ST8SIA6: variants seen among roughly 807,000 people sequenced by gnomAD.
ST8SIA6 encodes alpha-2,8-sialyltransferase 8F.
ST8SIA6 carries 39 observed loss-of-function variants against 33.6 expected under a neutral mutation model. The observed-to-expected ratio is 1.16, with a 90% CI of 0.90 to 1.52. The LOEUF (loss-of-function observed/expected upper bound fraction) is 1.52. Among genes scored for constraint, ST8SIA6 ranks in the 40% most tolerant of loss-of-function variants. ST8SIA6 has a pLI of 0.00. For synonymous variants in ST8SIA6, 172 were observed against 167.2 expected (o/e 1.03, Z -0.22); for missense variants, 441 against 443.8 (o/e 0.99, Z 0.06).
intron 2 of ST8SIA6, among the ~76,000 whole-genome samples, chr10:17,390,839 A>G (rs965522780): frequency 2.7e-5 from 4 of 150,096 alleles, no homozygotes; most frequent in African/African-American, 9.8e-5. Flanking sequence ...AGTCAAACAT[A>G]AGAGAACTCT....
At chr10:17,371,122 G>C (rs1237487861) in intron 3 of ST8SIA6, among the ~76,000 whole-genome samples, 1 of 152,122 alleles carries the variant, frequency 6.6e-6, no homozygotes, top group Non-Finnish European at 1.5e-5. Context: ...TAAAAAGAGA[G>C]GAATCAAGGA....
At chr10:17,333,688 T>TATATATATATAG (rs1848378983) in intron 4 of ST8SIA6, among the ~76,000 whole-genome samples, 1 of 21,324 alleles carries the variant, frequency 4.7e-5, no homozygotes, top group Non-Finnish European at 9.5e-5. Flanking sequence ...TATATATATA[T>TATATATATATAG]ATATATATAT....
chr10:17,333,717 ATT>A (rs71392102), intron 4 of ST8SIA6, among the ~76,000 whole-genome samples: 130 of 33,678 alleles, frequency 3.9e-3, no homozygotes, highest in South Asian at 0.014. Context: ...ATATATATAT[ATT>A]TTTTTTTTTT....
chr10:17,358,431 A>AT (rs908998705), intron 4 of ST8SIA6, among the ~76,000 whole-genome samples: 19 of 152,294 alleles, frequency 1.2e-4, no homozygotes, highest in African/African-American at 3.8e-4. Flanking sequence ...CTCTTTAGTA[A>AT]TTTTTTTACA....
chr10:17,431,394 C>T (rs1200609211), intron 2 of ST8SIA6, among the ~76,000 whole-genome samples: 2 of 151,990 alleles, frequency 1.3e-5, no homozygotes, highest in Non-Finnish European at 2.9e-5. Context: ...CAAAGTGTGA[C>T]CGGAATAATG....
chr10:17,356,617 G>A (rs994924663), intron 4 of ST8SIA6, among the ~76,000 whole-genome samples: 9 of 151,970 alleles, frequency 5.9e-5, no homozygotes, highest in African/African-American at 2.2e-4. Context: ...CGAACTCCTG[G>A]CCTCAAGTGA....
chr10:17,435,767 C>T (rs1032415158), intron 2 of ST8SIA6, among the ~76,000 whole-genome samples: 2 of 152,040 alleles, frequency 1.3e-5, no homozygotes, highest in African/African-American at 4.8e-5. Context: ...GAGAATTTTG[C>T]CCATTGTGTC....
intron 3 of ST8SIA6, among the ~76,000 whole-genome samples, chr10:17,373,954 A>G (rs1304176577): frequency 1.3e-5 from 2 of 152,134 alleles, no homozygotes; most frequent in Non-Finnish European, 2.9e-5. Context: ...TTATAATAAA[A>G]TAATACATGA....
At position 17,320,607 on chromosome 10, in the gene ST8SIA6, CT is replaced by C; in HGVS notation, c.*270del. ...TAAGAAAGAAATATTCTTTGAGTCCCTACCTCACACCAAAGGCCATGCCAAT... is the reference window on the plus strand; with the variant it reads ...TAAGAAAGAAATATTCTTTGAGTCCCACCTCACACCAAAGGCCATGCCAAT... On this transcript the variant is annotated 3_prime_UTR_variant, in exon 8 of 8. Transcript: ENST00000377602. 1 of 422,744 alleles carries C rather than the reference CT, an allele frequency of 2.4e-6. No individual in the cohort carries two copies. Among genetic ancestry groups the C allele is most frequent in the Non-Finnish European group, 4.3e-6 (1 of 235,018 alleles). The allele number at this position is 422,744 out of a possible 1,614,324, so 26.2% of individuals were successfully genotyped here.
At chr10:17,445,837 A>G (rs1346164831) in intron 2 of ST8SIA6, among the ~76,000 whole-genome samples, 1 of 152,208 alleles carries the variant, frequency 6.6e-6, no homozygotes, top group Non-Finnish European at 1.5e-5. Context: ...TGGTGGACCC[A>G]GCCCTCCCAG....
intron 2 of ST8SIA6, among the ~76,000 whole-genome samples, chr10:17,394,514 C>T (rs1850732276): frequency 6.6e-6 from 1 of 151,998 alleles, no homozygotes; most frequent in South Asian, 2.1e-4. Flanking sequence ...TTGTTATTGC[C>T]ATAGAGGTAG....
At chr10:17,338,940 T>A (rs1288455174) in intron 4 of ST8SIA6, among the ~76,000 whole-genome samples, 1 of 152,218 alleles carries the variant, frequency 6.6e-6, no homozygotes, top group African/African-American at 2.4e-5. Context: ...TGAAAAATGC[T>A]TAACTTTCAA....
At chr10:17,376,216 T>A (rs1232989551) in intron 3 of ST8SIA6, among the ~76,000 whole-genome samples, 1 of 152,170 alleles carries the variant, frequency 6.6e-6, no homozygotes, top group Non-Finnish European at 1.5e-5. Context: ...TAGCTACTCT[T>A]TGAGCAGCAA....
intron 2 of ST8SIA6, among the ~76,000 whole-genome samples, chr10:17,421,257 T>C (rs1395252641): frequency 6.6e-6 from 1 of 152,190 alleles, no homozygotes; most frequent in East Asian, 1.9e-4. Context: ...GAGTCCTCTG[T>C]TGCAACTGCA....
chr10:17,435,956 G>C (rs1852240924), intron 2 of ST8SIA6, among the ~76,000 whole-genome samples: 1 of 152,108 alleles, frequency 6.6e-6, no homozygotes. Flanking sequence ...AGAGTCTAGG[G>C]ACCAGCGGAG....
At chr10:17,425,103 T>C (rs950082024) in intron 2 of ST8SIA6, among the ~76,000 whole-genome samples, 1 of 152,296 alleles carries the variant, frequency 6.6e-6, no homozygotes, top group South Asian at 2.1e-4. Flanking sequence ...AACATTGGAA[T>C]AATAACCTAG....
chr10:17,365,881 G>A (rs573414517), intron 3 of ST8SIA6, among the ~76,000 whole-genome samples: 3 of 152,240 alleles, frequency 2.0e-5, no homozygotes, highest in Admixed American at 6.5e-5. Context: ...CATTGAAATG[G>A]GTGGGAACAA....
chr10:17,416,733 G>A (rs1392363389), intron 2 of ST8SIA6, among the ~76,000 whole-genome samples: 1 of 152,150 alleles, frequency 6.6e-6, no homozygotes, highest in Admixed American at 6.5e-5. Context: ...CCCATAAGTA[G>A]TCTTTCTGCT....
At chr10:17,344,485 TACTC>T (rs1297848350) in intron 4 of ST8SIA6, among the ~76,000 whole-genome samples, 7 of 152,156 alleles carry the variant, frequency 4.6e-5, no homozygotes, top group East Asian at 1.9e-4. Context: ...TCATGAGACT[TACTC>T]ACTACCATGA....
Sources: gnomAD v4.1 joint callset for allele counts (sites outside exome capture counted in the v4.1 genomes callset) on GRCh38, gnomAD v4.1.1 for gene constraint, MANE v1.5 for transcripts, NCBI Gene and HGNC (gene_info 2026-07-23, HGNC 2026-07-21) for gene names.